Variants in BBOF1 observed in about 807,000 individuals in gnomAD.
BBOF1 encodes basal body orientation factor 1.
A neutral mutation model predicts 68.0 loss-of-function variants in BBOF1; 62 were observed. That is an observed-to-expected ratio of 0.91 (90% CI 0.74 to 1.13). The LOEUF (loss-of-function observed/expected upper bound fraction) is 1.13. Ranked by LOEUF, BBOF1 falls within the 50% of genes most tolerant of loss-of-function variation. The probability of loss-of-function intolerance (pLI) is 0.00; values close to 1 mark genes in which losing one functional copy is unlikely to be tolerated. For missense variants in BBOF1, 534 were observed against 600.1 expected, an observed-to-expected ratio of 0.89 and a Z score of 1.15; for synonymous variants, 208 against 198.8, an observed-to-expected ratio of 1.05 and a Z score of -0.39.
At chr14:74,032,126 T>A (rs35604521) in intron 3 of BBOF1, among the ~76,000 whole-genome samples, 14,623 of 142,740 alleles carry the variant, frequency 0.1, 934 homozygotes, top group Non-Finnish European at 0.14. Flanking sequence ...TGATTTTTTT[T>A]TTTTTTTTTT....
At chr14:74,074,532 G>A (rs1388804607) in intron 9 of BBOF1, among the ~76,000 whole-genome samples, 1 of 152,066 alleles carries the variant, frequency 6.6e-6, no homozygotes, top group Non-Finnish European at 1.5e-5. Flanking sequence ...TGATCCACCT[G>A]CCTCAGCCTC....
intron 1 of BBOF1, among the ~76,000 whole-genome samples, chr14:74,019,987 A>G (rs549439206): frequency 5.3e-5 from 8 of 152,328 alleles, no homozygotes; most frequent in African/African-American, 1.9e-4. Flanking sequence ...AACACCATAT[A>G]TGGGAACACA....
At chr14:74,028,448 C>G (rs2059483601) in intron 2 of BBOF1, among the ~76,000 whole-genome samples, 1 of 147,920 alleles carries the variant, frequency 6.8e-6, no homozygotes, top group South Asian at 2.1e-4. Context: ...ATTGACATTA[C>G]CCTTTACCAC....
chr14:74,065,275 A>G lies in BBOF1; in HGVS notation c.*576A>G. The G allele has an allele frequency of 6.2e-7, 1 of 1,614,124 alleles. No homozygotes were observed. Among genetic ancestry groups the G allele is most frequent in the Non-Finnish European group, 8.5e-7 (1 of 1,180,014 alleles). ...ATTTCCATATGGGTTGTTATTTACA[A>G]TCTGGATGGCTTCATCCAATGTTTC... is the stretch of plus-strand genomic sequence containing the variant. On this transcript the variant is annotated 3_prime_UTR_variant, in exon 12 of 12. Coordinates refer to ENST00000394009, the MANE Select transcript of BBOF1 (RefSeq NM_025057.3).
At chr14:74,024,367 G>A (rs1177595986) in intron 2 of BBOF1, among the ~76,000 whole-genome samples, 2 of 152,122 alleles carry the variant, frequency 1.3e-5, no homozygotes, top group East Asian at 3.9e-4. Flanking sequence ...AAGGCGGGAG[G>A]ATCACTTAAG....
intron 2 of BBOF1, among the ~76,000 whole-genome samples, chr14:74,026,688 G>T (rs1008358149): frequency 6.6e-6 from 1 of 152,018 alleles, no homozygotes; most frequent in African/African-American, 2.4e-5. Context: ...ACTTTGGGAG[G>T]CCGAGGTGGG....
At chr14:74,054,200 C>G (rs1235959097) in intron 8 of BBOF1, among the ~76,000 whole-genome samples, 1 of 151,894 alleles carries the variant, frequency 6.6e-6, no homozygotes, top group Non-Finnish European at 1.5e-5. Context: ...TTAGTAGAGA[C>G]AGCGTTTCAC....
At chr14:74,055,836 C>T (rs1226233730) in intron 9 of BBOF1, 151 bp downstream of exon 9, 8 of 550,284 alleles carry the variant, frequency 1.5e-5, no homozygotes, top group Middle Eastern at 4.8e-4. Context: ...TACTGCAGCT[C>T]CCAGAGATAA....
intron 3 of BBOF1, among the ~76,000 whole-genome samples, chr14:74,033,495 G>A (rs981104471): frequency 6.6e-6 from 1 of 152,064 alleles, no homozygotes; most frequent in African/African-American, 2.4e-5. Flanking sequence ...GCTTGAACCT[G>A]GGAGGCAGAG....
At chr14:74,077,359 C>T (rs904572031) in intron 9 of BBOF1, among the ~76,000 whole-genome samples, 11 of 152,078 alleles carry the variant, frequency 7.2e-5, no homozygotes, top group Non-Finnish European at 1.3e-4. Context: ...TATCTTATTC[C>T]GTTTTGTGTT....
chr14:74,072,116 A>G (rs2060558352), intron 9 of BBOF1: 3 of 1,595,150 alleles, frequency 1.9e-6, no homozygotes, highest in Non-Finnish European at 2.6e-6. Context: ...CTGCAGAGTA[A>G]GGGAGGGTGG....
chr14:74,063,049 G>A (rs1224337208), intron 11 of BBOF1, among the ~76,000 whole-genome samples: 1 of 152,138 alleles, frequency 6.6e-6, no homozygotes, highest in Non-Finnish European at 1.5e-5. Context: ...ACCCCTGCCT[G>A]CCTCTCTAAC....
chr14:74,034,519 GC>G (rs2059651583), intron 4 of BBOF1, among the ~76,000 whole-genome samples: 1 of 152,176 alleles, frequency 6.6e-6, no homozygotes, highest in Non-Finnish European at 1.5e-5. Flanking sequence ...AAATGTTTAG[GC>G]TGATGAATGA....
In BBOF1 at chr14:74,032,432, C is replaced by G. The variant is rs2059593166; in HGVS notation, c.352-1596C>G. Among the ~76,000 whole-genome samples the G allele has an allele frequency of 2.0e-5, 3 of 150,258 alleles. No homozygotes were observed. In the Admixed American group the frequency reaches 2.0e-4, roughly 10 times the overall value. The stretch of plus-strand genomic sequence containing the variant: ...GTGAGCTACTGTGCCTGGCCTCAAA[C>G]TTGATTTTTGCAATGTGATAGGTGA... On this transcript the variant is annotated intron_variant, in intron 3 of 11. Coordinates refer to ENST00000394009, the MANE Select transcript of BBOF1 (RefSeq NM_025057.3).
chr14:74,077,396 C>A (rs969453437), intron 9 of BBOF1, among the ~76,000 whole-genome samples: 2 of 152,048 alleles, frequency 1.3e-5, no homozygotes, highest in Non-Finnish European at 2.9e-5. Flanking sequence ...TGAGACTGGG[C>A]AATTTATAAG....
intron 3 of BBOF1, among the ~76,000 whole-genome samples, chr14:74,033,362 G>A (rs913295907): frequency 6.6e-6 from 1 of 151,906 alleles, no homozygotes; most frequent in African/African-American, 2.4e-5. Flanking sequence ...GAGGTCAGGA[G>A]TTCAAGACCA....
intron 9 of BBOF1, among the ~76,000 whole-genome samples, chr14:74,075,717 T>C (rs2060605921): frequency 6.6e-6 from 1 of 152,040 alleles, no homozygotes; most frequent in Admixed American, 6.6e-5. Context: ...AATGTAAATA[T>C]AAATCAAAAT....
At position 74,022,949 on chromosome 14, in the gene BBOF1, C is replaced by G. The variant is rs770686827; in HGVS notation, c.90C>G (p.Asp30Glu). The G allele has an allele frequency of 3.7e-6, 6 of 1,612,866 alleles. No individual in the cohort carries two copies. The highest frequency in any genetic ancestry group is 3.4e-6 in the Non-Finnish European group (4 of 1,179,426). Residue 30 changes from aspartate (D) to glutamate (E), a missense_variant, in exon 2 of 12, where the codon GAC becomes GAG. Coordinates refer to ENST00000394009, the MANE Select transcript of BBOF1 (RefSeq NM_025057.3). Reference sequence around the variant, plus strand: ...TAAAAACAGATGAATCTGTGGTGGACAGAGCCAAGGCCAATGCCTCCCTTT... The same window carrying G: ...TAAAAACAGATGAATCTGTGGTGGAGAGAGCCAAGGCCAATGCCTCCCTTT... ...KLIKTDESVV[D>E]RAKANASLWE...
intron 9 of BBOF1, chr14:74,075,135 G>T: frequency 1.2e-6 from 1 of 843,360 alleles, no homozygotes; most frequent in South Asian, 1.5e-5. Flanking sequence ...TCTCTCAAAG[G>T]CCATACAGTC....
Sources: gnomAD v4.1 joint callset for allele counts (sites outside exome capture counted in the v4.1 genomes callset) on GRCh38, gnomAD v4.1.1 for gene constraint, MANE v1.5 for transcripts, NCBI Gene and HGNC (gene_info 2026-07-23, HGNC 2026-07-21) for gene names.